LRTM3: variants seen among roughly 807,000 people sequenced by gnomAD.
LRTM3 encodes leucine rich repeat transmembrane protein 3, also known as leucine-rich repeat transmembrane protein 3.
At chr13:102,731,509 A>C in the LRTM3 span, 545 of 1,551,186 alleles carry the variant, frequency 3.5e-4, 7 homozygotes, top group African/African-American at 7.0e-3. Flanking sequence ...GCGTTTTGGG[A>C]TATATTGCTG....
the LRTM3 span, among the ~76,000 whole-genome samples, chr13:102,755,100 T>C: frequency 2.0e-5 from 3 of 152,168 alleles, no homozygotes; most frequent in Non-Finnish European, 4.4e-5. Context: ...AGACGATACC[T>C]GGTCAGCTCG....
the LRTM3 span, chr13:102,744,121 C>T: frequency 6.4e-7 from 1 of 1,550,642 alleles, no homozygotes. Context: ...GCTTCCCTTT[C>T]ATCTTGTACT....
At chr13:102,749,594 T>C in the LRTM3 span, 17 of 1,551,338 alleles carry the variant, frequency 1.1e-5, no homozygotes, top group Middle Eastern at 1.7e-4. Flanking sequence ...AACAAAATGT[T>C]GGTTCCTATC....
the LRTM3 span, chr13:102,748,014 T>C: frequency 6.4e-7 from 1 of 1,551,072 alleles, no homozygotes; most frequent in African/African-American, 1.4e-5. Flanking sequence ...CTCTTATCAA[T>C]GTATTCTGCG....
the LRTM3 span, chr13:102,731,384 T>G: frequency 1.9e-6 from 3 of 1,551,468 alleles, no homozygotes; most frequent in South Asian, 1.2e-5. Flanking sequence ...TTGTAAAGAT[T>G]TCCTTGCCAT....
chr13:102,735,124 C>A, the LRTM3 span: 1 of 1,551,302 alleles, frequency 6.4e-7, no homozygotes, highest in African/African-American at 1.4e-5. Context: ...TTTTAACTTT[C>A]TGGACCTTTT....
chr13:102,748,528 T>G, the LRTM3 span: 1 of 1,550,804 alleles, frequency 6.4e-7, no homozygotes, highest in Admixed American at 2.0e-5. Context: ...GATGGGAATT[T>G]TCTGAACTTT....
the LRTM3 span, chr13:102,733,404 C>G: frequency 1.3e-6 from 2 of 1,551,296 alleles, no homozygotes; most frequent in Non-Finnish European, 8.7e-7. Flanking sequence ...GATGAAGTTT[C>G]TTGCTGGTGA....
chr13:102,745,149 C>T, the LRTM3 span: 1 of 1,550,672 alleles, frequency 6.4e-7, no homozygotes. Context: ...CCTTGGTTTT[C>T]TAATTTGTGA....
the LRTM3 span, chr13:102,741,779 A>G: frequency 6.4e-7 from 1 of 1,550,474 alleles, no homozygotes; most frequent in Non-Finnish European, 8.7e-7. Context: ...GGCAATGCCC[A>G]CATCTTTTTC....
the LRTM3 span, chr13:102,742,024 T>C: frequency 6.4e-7 from 1 of 1,550,562 alleles, no homozygotes; most frequent in Non-Finnish European, 8.7e-7. Context: ...GCATTTCTTT[T>C]AGTGGTTTCT....
the LRTM3 span, chr13:102,738,031 T>A: frequency 6.5e-7 from 1 of 1,550,344 alleles, no homozygotes; most frequent in Non-Finnish European, 8.7e-7. Context: ...CCTTTTCTTG[T>A]CCTGCACCTC....
At chr13:102,744,084 A>G in the LRTM3 span, 1 of 1,550,412 alleles carries the variant, frequency 6.4e-7, no homozygotes, top group Non-Finnish European at 8.7e-7. Context: ...GCACTGAGTA[A>G]TGCCTCTCCT....
the LRTM3 span, chr13:102,737,105 TG>T: frequency 6.4e-7 from 1 of 1,551,192 alleles, no homozygotes; most frequent in South Asian, 1.2e-5. Flanking sequence ...ATTGAGTGTA[TG>T]TGGAAGTGAT....
At chr13:102,731,664 C>T in the LRTM3 span, 1 of 1,551,420 alleles carries the variant, frequency 6.4e-7, no homozygotes, top group Middle Eastern at 1.7e-4. Context: ...TTGGTTGCTT[C>T]ACAAATGGGA....
the LRTM3 span, chr13:102,732,412 A>G: frequency 6.4e-7 from 1 of 1,551,336 alleles, no homozygotes; most frequent in Non-Finnish European, 8.7e-7. Context: ...TCATAGTTAA[A>G]TATTTGGTGC....
the LRTM3 span, chr13:102,729,660 G>T: frequency 1.3e-6 from 2 of 1,550,708 alleles, no homozygotes; most frequent in African/African-American, 1.4e-5. Context: ...AAAAAGGGCC[G>T]GTTTTGTTTT....
the LRTM3 span, among the ~76,000 whole-genome samples, chr13:102,757,092 G>T: frequency 6.6e-6 from 1 of 152,164 alleles, no homozygotes; most frequent in African/African-American, 2.4e-5. Context: ...TATCTCAAAT[G>T]CTGAATCTTG....
chr13:102,743,289 C>T, the LRTM3 span: 3 of 1,550,466 alleles, frequency 1.9e-6, no homozygotes, highest in Non-Finnish European at 2.6e-6. Context: ...TGACTTAACC[C>T]TGATATTCTC....
Sources: gnomAD v4.1 joint callset for allele counts (sites outside exome capture counted in the v4.1 genomes callset) on GRCh38, gnomAD v4.1.1 for gene constraint, MANE v1.5 for transcripts, NCBI Gene and HGNC (gene_info 2026-07-23, HGNC 2026-07-21) for gene names.